PCDHGB4: variants seen among roughly 807,000 people sequenced by gnomAD.
PCDHGB4 encodes the protein protocadherin gamma subfamily B, 4.
A neutral mutation model predicts 60.5 loss-of-function variants in PCDHGB4; 38 were observed. The ratio of observed to expected loss-of-function variants is 0.63; its 90% CI spans 0.48 to 0.82. The LOEUF is 0.82. PCDHGB4 is among the 40% of genes least tolerant of loss of function. The probability of loss-of-function intolerance (pLI) is 0.00; values close to 1 mark genes in which losing one functional copy is unlikely to be tolerated. For synonymous variants in PCDHGB4, 456 were observed against 509.7 expected (o/e 0.89, Z 1.42); for missense variants, 1,109 against 1,209.6 (o/e 0.92, Z 1.23).
chr5:141,478,718 C>T, intron 1 of PCDHGB4: 1 of 1,544,994 alleles, frequency 6.5e-7, no homozygotes, highest in East Asian at 2.4e-5. Context: ...AGATGGTGGC[C>T]TGCCAGAGTG....
At chr5:141,461,981 G>A (rs755173695) in intron 1 of PCDHGB4, among the ~76,000 whole-genome samples, 4 of 152,078 alleles carry the variant, frequency 2.6e-5, no homozygotes, top group Non-Finnish European at 5.9e-5. Context: ...ATGCCACCAC[G>A]CCAGGCTAAT....
At chr5:141,427,603 T>G in intron 1 of PCDHGB4, 2 of 681,440 alleles carry the variant, frequency 2.9e-6, no homozygotes, top group East Asian at 2.8e-5. Flanking sequence ...ACCCTACGCA[T>G]TGGTGAAGTC....
chr5:141,454,998 G>A (rs909142112), intron 1 of PCDHGB4, among the ~76,000 whole-genome samples: 1 of 151,220 alleles, frequency 6.6e-6, no homozygotes, highest in Admixed American at 6.6e-5. Flanking sequence ...ATTTTTAGTA[G>A]AGACGGGGTT....
intron 1 of PCDHGB4, chr5:141,413,755 A>G: frequency 1.2e-6 from 2 of 1,612,936 alleles, no homozygotes; most frequent in Non-Finnish European, 1.7e-6. Context: ...CAATGGCGTC[A>G]AGTACCCGGA....
chr5:141,396,662 G>C (rs1589287769), intron 1 of PCDHGB4: 1 of 151,614 alleles, frequency 6.6e-6, no homozygotes, highest in Admixed American at 6.6e-5. Context: ...ACTCGGTATA[G>C]GCTATCCATT....
At chr5:141,442,445 T>A (rs2098325574) in intron 1 of PCDHGB4, 1 of 152,198 alleles carries the variant, frequency 6.6e-6, no homozygotes, top group South Asian at 2.1e-4. Flanking sequence ...CCCTCAGGAC[T>A]CAATAGCAGT....
At chr5:141,393,504 A>G (rs369406530) in intron 1 of PCDHGB4, 1 of 1,614,036 alleles carries the variant, frequency 6.2e-7, no homozygotes, top group African/African-American at 1.3e-5. Flanking sequence ...CATCCACGTG[A>G]CAGTGTTGGA....
chr5:141,410,726 A>G, intron 1 of PCDHGB4: 4 of 1,376,038 alleles, frequency 2.9e-6, no homozygotes, highest in Non-Finnish European at 3.9e-6. Context: ...TTTAAAATCC[A>G]TAGCTTTTTA....
At chr5:141,465,657 G>T (rs904553709) in intron 1 of PCDHGB4, among the ~76,000 whole-genome samples, 2 of 152,130 alleles carry the variant, frequency 1.3e-5, no homozygotes, top group Non-Finnish European at 2.9e-5. Context: ...CCAAAAAAGC[G>T]CTTGCCATGA....
At chr5:141,506,930 T>C (rs2099857287) in intron 3 of PCDHGB4, among the ~76,000 whole-genome samples, 1 of 152,150 alleles carries the variant, frequency 6.6e-6, no homozygotes, top group African/African-American at 2.4e-5. Context: ...AAACAAACTT[T>C]AGGGGCCTCC....
Position 141,491,077 on chromosome 5 carries a change from T to TAGGA in PCDHGB4, c.2398-3730_2398-3729insAGGA, listed in dbSNP as rs752090443. 1.2e-6 allele frequency: 2 copies of TAGGA among 1,614,166 alleles called. No homozygotes were observed. Among genetic ancestry groups the TAGGA allele is most frequent in the Admixed American group, 3.3e-5 (2 of 60,014 alleles). On this transcript the variant is annotated intron_variant, in intron 1 of 3. Transcript: ENST00000519479. This position sits in a 1 kb window ranked among gnomAD's most constrained non-coding sequence, Gnocchi z 6.9. The stretch of plus-strand genomic sequence containing the variant: ...GCTCTCCTACTCACTGTTGCCACAG[T>TAGGA]CCACAGCCCCAGGACTGTTCCTCGT...
rs543908773 is a variant in PCDHGB4, at chr5:141,400,145, A to G, written c.2397+9864A>G. ...CAGGAGGTGCTGCCGGATATCACTG[A>G]CCGCCCTGTACCCTCTGACCCCCAG... On this transcript the variant is annotated intron_variant, in intron 1 of 3. Coordinates refer to ENST00000519479, the MANE Select transcript of PCDHGB4 (RefSeq NM_003736.4). The G allele has an allele frequency of 4.1e-5, 66 of 1,613,312 alleles. No individual in the cohort carries two copies. The South Asian group carries it at 5.4e-4, about 13-fold the overall frequency.
In PCDHGB4 at chr5:141,388,268, C is replaced by A; in HGVS notation, c.384C>A (p.Asp128Glu). Residue 128 changes from aspartate to glutamate, a missense_variant, in exon 1 of 4, where the codon GAC becomes GAA. Physicochemically the swap from Asp to Glu is conservative, Grantham distance 45 (BLOSUM62 2). This residue lies in a region of PCDHGB4 where 1,068 missense variants were observed against 1,089.9 expected (regional missense o/e 0.98). Coordinates refer to ENST00000519479, the MANE Select transcript of PCDHGB4 (RefSeq NM_003736.4). ...ATGTGGAGATCGAGGACATTAATGA[C>A]CACACGCCAAAATTCACGCAAAATT... ...HVNVEIEDINDHTPKFTQNSF... is the reference protein window; with the variant it reads ...HVNVEIEDINEHTPKFTQNSF... The A allele has an allele frequency of 1.3e-6, 2 of 1,594,084 alleles. No homozygotes were observed. Among genetic ancestry groups the A allele is most frequent in the African/African-American group, 2.9e-5 (2 of 68,850 alleles).
intron 1 of PCDHGB4, chr5:141,423,278 A>C: frequency 1.2e-6 from 2 of 1,613,940 alleles, no homozygotes; most frequent in Non-Finnish European, 1.7e-6. Flanking sequence ...TCTCTGGCTA[A>C]CTCTGAAACC....
rs1043628660 is a variant in PCDHGB4, at chr5:141,478,879, G to A, written c.2398-15928G>A. On this transcript the variant is annotated intron_variant, in intron 1 of 3. Coordinates refer to ENST00000519479, the MANE Select transcript of PCDHGB4 (RefSeq NM_003736.4). ...GATCTCAGCGATCAGAGTTTAGCTT[G>A]GTATCATTTACATTAGGAATAAGCT... is the stretch of plus-strand genomic sequence containing the variant. 9 of 1,243,630 alleles carry A rather than the reference G, an allele frequency of 7.2e-6. No homozygotes were observed. The African/African-American group carries it at 1.1e-4, about 15-fold the overall frequency. The allele number at this position is 1,243,630 out of a possible 1,614,324, so 77.0% of individuals were successfully genotyped here.
intron 1 of PCDHGB4, chr5:141,422,797 G>A (rs1037091316): frequency 2.5e-6 from 4 of 1,614,244 alleles, no homozygotes; most frequent in Non-Finnish European, 3.4e-6. Context: ...CTTCGACTAT[G>A]AGCAGTTTCG....
At chr5:141,478,165 C>T (rs780594020) in intron 1 of PCDHGB4, 18 of 1,613,920 alleles carry the variant, frequency 1.1e-5, no homozygotes, top group Non-Finnish European at 1.5e-5. Context: ...GCTCTGCCCC[C>T]CGGGAGCAGA....
chr5:141,440,393 G>A (rs1444541990), intron 1 of PCDHGB4: 1 of 152,180 alleles, frequency 6.6e-6, no homozygotes, highest in Admixed American at 6.5e-5. Flanking sequence ...TTGAACCCGA[G>A]AGGCAATCGC....
chr5:141,409,513 C>G (rs2095276446), intron 1 of PCDHGB4: 1 of 1,614,030 alleles, frequency 6.2e-7, no homozygotes, highest in South Asian at 1.1e-5. Flanking sequence ...CCAGTAGAAG[C>G]ATCACCTTGT....
Sources: gnomAD v4.1 joint callset for allele counts (sites outside exome capture counted in the v4.1 genomes callset) on GRCh38, gnomAD v4.1.1 for gene constraint, gnomAD v4.1.1 regional missense constraint, Gnocchi (gnomAD v3.1) non-coding constraint, MANE v1.5 for transcripts, NCBI Gene and HGNC (gene_info 2026-07-23, HGNC 2026-07-21) for gene names.